The following CKAP5 variants were observed in gnomAD, a reference collection of about 807,000 sequenced individuals.
CKAP5 encodes cytoskeleton-associated protein 5.
CKAP5 carries 27 observed loss-of-function variants against 232.8 expected under a neutral mutation model. That is an observed-to-expected ratio of 0.12 (90% CI 0.09 to 0.16). CKAP5 has a LOEUF of 0.16. Among genes scored for constraint, CKAP5 ranks in the 10% least tolerant of loss-of-function variants. The pLI is 1.00. For missense variants in CKAP5, 1,838 were observed against 2,424.7 expected (o/e 0.76, Z 5.08); for synonymous variants, 785 against 841.1 (o/e 0.93, Z 1.16).
intron 9 of CKAP5, among the ~76,000 whole-genome samples, chr11:46,799,561 A>T (rs1428791964): frequency 1.3e-5 from 2 of 152,228 alleles, no homozygotes; most frequent in Non-Finnish European, 2.9e-5. Context: ...AACACCGCAT[A>T]TATTACAGTA....
At chr11:46,792,025 T>TA (rs1291815321) in intron 13 of CKAP5, among the ~76,000 whole-genome samples, 1 of 152,212 alleles carries the variant, frequency 6.6e-6, no homozygotes, top group Non-Finnish European at 1.5e-5. Flanking sequence ...AAACCTGTAA[T>TA]ACTTACCATG....
intron 40 of CKAP5, 119 bp downstream of exon 40, chr11:46,750,999 C>T (rs1198559703): frequency 8.6e-7 from 1 of 1,164,852 alleles, no homozygotes; most frequent in Non-Finnish European, 1.2e-6. Flanking sequence ...ACTGATTCAA[C>T]CAGTCCATGA....
intron 3 of CKAP5, among the ~76,000 whole-genome samples, chr11:46,817,960 T>G (rs1212368120): frequency 6.6e-6 from 1 of 152,240 alleles, no homozygotes; most frequent in Non-Finnish European, 1.5e-5. Context: ...GAAATTCTGA[T>G]AATTCCTTTA....
rs73456190 is a variant in CKAP5 at position 46,845,270 on chromosome 11, C to A, written c.-38+950G>T. Among the ~76,000 whole-genome samples the A allele has an allele frequency of 1.6e-3, 242 of 152,242 alleles. 1 individual carries two copies. The highest frequency in any genetic ancestry group is 5.6e-3 in the African/African-American group (233 of 41,550). Reference sequence around the variant, plus strand: ...GCATAAGACAGGCAGCATTTCTGGGCCAAGATTTGATGCCTTGGTCCCATG... The same window carrying A: ...GCATAAGACAGGCAGCATTTCTGGGACAAGATTTGATGCCTTGGTCCCATG... On this transcript the variant is annotated intron_variant, in intron 1 of 43. Coordinates refer to ENST00000529230, the MANE Select transcript of CKAP5 (RefSeq NM_001008938.4).
intron 42 of CKAP5, among the ~76,000 whole-genome samples, chr11:46,745,864 A>C (rs2065018556): frequency 6.6e-6 from 1 of 152,102 alleles, no homozygotes; most frequent in African/African-American, 2.4e-5. Context: ...AGACATGAGA[A>C]TCACTTGAAC....
At chr11:46,773,234 T>C (rs1262544349) in intron 24 of CKAP5, among the ~76,000 whole-genome samples, 3 of 152,146 alleles carry the variant, frequency 2.0e-5, no homozygotes, top group Non-Finnish European at 2.9e-5. Flanking sequence ...ATTACTCTGA[T>C]GGATTTTTGA....
At chr11:46,811,308 G>A (rs1415973840) in intron 4 of CKAP5, 130 bp from the exon 5 acceptor site, 3 of 714,518 alleles carry the variant, frequency 4.2e-6, no homozygotes, top group African/African-American at 1.8e-5. Context: ...TTTTTTTTAA[G>A]GCAACAAAAG....
intron 1 of CKAP5, among the ~76,000 whole-genome samples, chr11:46,832,663 T>C (rs1939818148): frequency 6.6e-6 from 1 of 152,234 alleles, no homozygotes; most frequent in Non-Finnish European, 1.5e-5. Flanking sequence ...CATTTAATCC[T>C]TAAAACCTTG....
chr11:46,762,670 A>G lies in CKAP5; in HGVS notation c.3984T>C (p.Phe1328=), dbSNP rs188618503. The change falls in exon 31 of 44, where the codon TTT becomes TTC. Residue 1328 remains phenylalanine (F), a synonymous_variant. Transcript: ENST00000529230. ...LVYPASKMFP[F]IMEGTKSKNS... The stretch of plus-strand genomic sequence containing the variant: ...TTTTGGATTTGGTTCCTTCCATGAT[A>G]AAGGGAAACATCTTGCTAGCTGGGT... 3 of 1,614,168 alleles carry G rather than the reference A, an allele frequency of 1.9e-6. No homozygotes were observed. The highest frequency in any genetic ancestry group is 2.5e-6 in the Non-Finnish European group (3 of 1,179,986).
In CKAP5 at chr11:46,807,859, T is replaced by C. The variant is rs74987441; in HGVS notation, c.978+172A>G. 6.7e-3 allele frequency among the ~76,000 whole-genome samples: 1,022 copies of C among 152,324 alleles called. 1 individual carries two copies. The highest frequency in any genetic ancestry group is 0.022 in the South Asian group (105 of 4,830). Reference sequence around the variant, plus strand: ...AAAAAACAAAGATTGAAAATGAAACTAACCCACAACAGGAATTTAAAACAA... The same window carrying C: ...AAAAAACAAAGATTGAAAATGAAACCAACCCACAACAGGAATTTAAAACAA... On this transcript the variant is annotated intron_variant, in intron 8 of 43. Transcript: ENST00000529230.
rs2065146559 is a variant in CKAP5, at chr11:46,760,671, T to C, written c.4335A>G (p.Ile1445Met). The part of the protein sequence containing the change: ...VEEKPQRAQN[I>M]SSNANMLRKG... ...TGCGTAACATGTTGGCATTGGAGCTTATGTTCTGTGCACGCTGAGGTTTCT... is the reference window on the plus strand; with the variant it reads ...TGCGTAACATGTTGGCATTGGAGCTCATGTTCTGTGCACGCTGAGGTTTCT... Residue 1445 changes from isoleucine (I) to methionine (M), a missense_variant, in exon 33 of 44, where the codon ATA becomes ATG. Physicochemically the swap from Ile to Met is conservative, Grantham distance 10. Coordinates refer to ENST00000529230, the MANE Select transcript of CKAP5 (RefSeq NM_001008938.4). The C allele has an allele frequency of 6.2e-7, 1 of 1,614,128 alleles. No homozygotes were observed. Among genetic ancestry groups the C allele is most frequent in the Admixed American group, 1.7e-5 (1 of 60,010 alleles).
intron 1 of CKAP5, among the ~76,000 whole-genome samples, chr11:46,825,925 T>C (rs1939641370): frequency 6.6e-6 from 1 of 151,964 alleles, no homozygotes; most frequent in Non-Finnish European, 1.5e-5. Context: ...CAAAATCCCA[T>C]CTCTGAGTAG....
intron 1 of CKAP5, among the ~76,000 whole-genome samples, chr11:46,835,941 T>C (rs1939907916): frequency 6.6e-6 from 1 of 152,210 alleles, no homozygotes; most frequent in African/African-American, 2.4e-5. Flanking sequence ...CCTGATATGA[T>C]ATGGTATTCT....
At chr11:46,793,006 C>T (rs1003251193) in intron 13 of CKAP5, among the ~76,000 whole-genome samples, 1 of 152,206 alleles carries the variant, frequency 6.6e-6, no homozygotes, top group Admixed American at 6.5e-5. Context: ...ATTCCACAAA[C>T]AGATACCCGG....
chr11:46,748,863 GCT>G (rs1205733688), intron 42 of CKAP5, among the ~76,000 whole-genome samples: 1 of 151,374 alleles, frequency 6.6e-6, no homozygotes, highest in Non-Finnish European at 1.5e-5. Context: ...ATGGAGTCTC[GCT>G]CTGTCGCCCA....
chr11:46,816,236 G>A lies in CKAP5; in HGVS notation c.420C>T (p.Ile140=). Residue 140 remains isoleucine, a synonymous_variant, in exon 4 of 44, where the codon ATC becomes ATT. Transcript: ENST00000529230. ...LKGLDNKNPK[I]IVACIETLRK... is the part of the protein sequence containing the mutation. ...TCAGTGTCTCTATACAGGCCACTAT[G>A]ATCTTGGGATTCTTATTGTCCAAGC... The A allele has an allele frequency of 6.2e-7, 1 of 1,614,120 alleles. No individual in the cohort carries two copies. Among genetic ancestry groups the A allele is most frequent in the Non-Finnish European group, 8.5e-7 (1 of 1,180,014 alleles).
intron 31 of CKAP5, 180 bp downstream of exon 31, chr11:46,762,447 C>T (rs1943841405): frequency 1.1e-6 from 1 of 887,214 alleles, no homozygotes; most frequent in African/African-American, 1.6e-5. Context: ...CTGAGTGGTG[C>T]CTGTATCACC....
chr11:46,821,674 C>T (rs921312216), intron 1 of CKAP5, among the ~76,000 whole-genome samples: 1 of 152,000 alleles, frequency 6.6e-6, no homozygotes, highest in Non-Finnish European at 1.5e-5. Flanking sequence ...CCACCCGCCT[C>T]GGCCTCCCAA....
intron 22 of CKAP5, 88 bp downstream of exon 22, chr11:46,778,050 AT>A: frequency 9.5e-7 from 1 of 1,054,540 alleles, no homozygotes; most frequent in Non-Finnish European, 1.4e-6. Context: ...GTAACCACTT[AT>A]TTTTTGCAAG....
Sources: gnomAD v4.1 joint callset for allele counts (sites outside exome capture counted in the v4.1 genomes callset) on GRCh38, gnomAD v4.1.1 for gene constraint, MANE v1.5 for transcripts, NCBI Gene and HGNC (gene_info 2026-07-23, HGNC 2026-07-21) for gene names.